Variants in CAMK2D observed in about 807,000 individuals in gnomAD.
CAMK2D encodes calcium/calmodulin dependent protein kinase II delta, also known as calcium/calmodulin-dependent protein kinase type II subunit delta.
A neutral mutation model predicts 84.0 loss-of-function variants in CAMK2D; 37 were observed. The ratio of observed to expected loss-of-function variants is 0.44; its 90% CI spans 0.34 to 0.58. CAMK2D has a LOEUF of 0.58. Among genes scored for constraint, CAMK2D ranks in the 20% least tolerant of loss-of-function variants. The pLI is 0.02. For synonymous variants in CAMK2D, 202 were observed against 212.5 expected (o/e 0.95, Z 0.43); for missense variants, 448 against 652.5 (o/e 0.69, Z 3.41).
At position 113,502,963 on chromosome 4, in the gene CAMK2D, A is replaced by G. The variant is rs748163137; in HGVS notation, c.1059T>C (p.Thr353=). 4.4e-6 allele frequency: 7 copies of G among 1,608,532 alleles called. No homozygotes were observed. In the Admixed American group the frequency reaches 1.2e-4, roughly 27 times the overall value. The change falls in exon 15 of 21, where the codon ACT becomes ACC. Residue 353 remains threonine (T), a synonymous_variant. Transcript: ENST00000511664. ...TGTTTCCATCAGGGTTGTGGATTAC[A>G]GTAGTTTGGGGCTCCTGAGTGAGAA... ...IPTPALEPQT[T]VIHNPDGNKE...
At chr4:113,473,251 T>C (rs1190595437) in intron 16 of CAMK2D, among the ~76,000 whole-genome samples, 1 of 152,206 alleles carries the variant, frequency 6.6e-6, no homozygotes, top group African/African-American at 2.4e-5. Flanking sequence ...ATTAACAAAA[T>C]TAACCCTTGG....
intron 7 of CAMK2D, among the ~76,000 whole-genome samples, chr4:113,534,049 C>G (rs566769726): frequency 1.3e-5 from 2 of 151,976 alleles, no homozygotes; most frequent in Admixed American, 6.6e-5. Context: ...TCTGGTATTC[C>G]ACATAATGAA....
intron 6 of CAMK2D, among the ~76,000 whole-genome samples, chr4:113,543,675 T>C (rs1404133315): frequency 2.6e-5 from 4 of 152,196 alleles, no homozygotes; most frequent in Non-Finnish European, 5.9e-5. Flanking sequence ...CATTCTTCTC[T>C]TTTTGTATTT....
chr4:113,730,214 G>C (rs567768376), intron 2 of CAMK2D, among the ~76,000 whole-genome samples: 1 of 152,090 alleles, frequency 6.6e-6, no homozygotes, highest in African/African-American at 2.4e-5. Context: ...TTTTCAGATG[G>C]CATTAACAGC....
intron 7 of CAMK2D, among the ~76,000 whole-genome samples, chr4:113,534,712 T>C (rs2098478322): frequency 6.6e-6 from 1 of 152,236 alleles, no homozygotes; most frequent in Non-Finnish European, 1.5e-5. Flanking sequence ...CAAGACAATT[T>C]TGAAAACTTA....
In CAMK2D at chr4:113,500,499, T is replaced by A; in HGVS notation, c.1099A>T (p.Ser367Cys). The change falls in exon 16 of 21, where the codon AGT (serine) becomes TGT (cysteine). Residue 367 changes from serine (S) to cysteine (C), a missense_variant. Physicochemically the swap from Ser to Cys is moderately radical, Grantham distance 112. Around this residue, in one of 7 missense-constraint regions of CAMK2D, gnomAD observed 219 missense variants for 272.1 expected, o/e 0.80. Transcript: ENST00000511664. Reference protein sequence around the residue: ...NPDGNKESTESSNTTIEDEDV... With the variant: ...NPDGNKESTECSNTTIEDEDV... ...TCATCCTCAATTGTTGTATTTGAAC[T>A]CTCAGTTGACTCCTGATGAGAAGAA... 1 of 1,601,066 alleles carries A rather than the reference T, an allele frequency of 6.2e-7. No homozygotes were observed. Among genetic ancestry groups the A allele is most frequent in the South Asian group, 1.1e-5 (1 of 90,248 alleles).
chr4:113,619,480 G>C (rs960700893), intron 3 of CAMK2D, among the ~76,000 whole-genome samples: 1 of 152,112 alleles, frequency 6.6e-6, no homozygotes, highest in African/African-American at 2.4e-5. Flanking sequence ...AAGGTCCCTC[G>C]CTCCACCCTC....
At chr4:113,569,960 G>A (rs10049861) in intron 4 of CAMK2D, among the ~76,000 whole-genome samples, 8,039 of 151,892 alleles carry the variant, frequency 0.053, 613 homozygotes, top group African/African-American at 0.17. Context: ...TACAAAATCA[G>A]CATACAAAAA....
At chr4:113,462,266 A>ATGTGTGTGTGTGTGTGTGTG (rs143654780) in intron 17 of CAMK2D, among the ~76,000 whole-genome samples, 7 of 109,934 alleles carry the variant, frequency 6.4e-5, no homozygotes, top group South Asian at 3.6e-4. Context: ...ATATTTGGAA[A>ATGTGTGTGTGTGTGTGTGTG]TGTGTGTGTG....
chr4:113,686,691 C>A (rs1437423273), intron 2 of CAMK2D, among the ~76,000 whole-genome samples: 1 of 152,094 alleles, frequency 6.6e-6, no homozygotes, highest in Non-Finnish European at 1.5e-5. Context: ...TCCTACAATG[C>A]TCTCAATATA....
chr4:113,652,644 T>G (rs2154303240), intron 3 of CAMK2D, among the ~76,000 whole-genome samples: 1 of 152,264 alleles, frequency 6.6e-6, no homozygotes, highest in South Asian at 2.1e-4. Flanking sequence ...GGGATTATTT[T>G]TCTTTCAAAT....
chr4:113,504,965 T>C lies in CAMK2D; in HGVS notation c.1044+11A>G, dbSNP rs767282533. 2.1e-5 allele frequency: 32 copies of C among 1,511,990 alleles called. 1 individual carries two copies. Among genetic ancestry groups the C allele is most frequent in the Non-Finnish European group, 2.7e-5 (31 of 1,129,476 alleles). The allele number at this position is 1,511,990 out of a possible 1,614,324, so 93.7% of individuals were successfully genotyped here. Reference sequence around the variant, plus strand: ...AGAACTTAAGAAGGGTTACAAAGAGTCCAGGTATACCAGCGCTGGGGTAGG... The same window carrying C: ...AGAACTTAAGAAGGGTTACAAAGAGCCCAGGTATACCAGCGCTGGGGTAGG... On this transcript the variant is annotated intron_variant, in intron 14 of 20. Transcript: ENST00000511664.
intron 20 of CAMK2D, 101 bp downstream of exon 20, chr4:113,455,625 A>G: frequency 1.6e-6 from 1 of 640,438 alleles, no homozygotes; most frequent in South Asian, 2.4e-5. Context: ...TTTTCATTGA[A>G]TATTATGCAA....
chr4:113,640,871 G>C (rs2099130041), intron 3 of CAMK2D, among the ~76,000 whole-genome samples: 1 of 152,190 alleles, frequency 6.6e-6, no homozygotes, highest in Non-Finnish European at 1.5e-5. Flanking sequence ...ATCATCCATA[G>C]ACAGACTCAT....
chr4:113,462,288 GTGTGTGTCTGTCTGTCTGTCTGTCTGTC>G (rs1407005326), intron 17 of CAMK2D, among the ~76,000 whole-genome samples: 4 of 84,190 alleles, frequency 4.8e-5, no homozygotes, highest in African/African-American at 1.8e-4. Context: ...GTGTGTGTGT[GTGTGTGTCTGTCTGTCTGTCTGTCTGTC>G]TGTCTGTCTG....
chr4:113,635,836 A>C (rs1051531579), intron 3 of CAMK2D, among the ~76,000 whole-genome samples: 3 of 152,222 alleles, frequency 2.0e-5, no homozygotes, highest in African/African-American at 7.2e-5. Context: ...CAATGTAGAA[A>C]GGATATGTTT....
intron 16 of CAMK2D, among the ~76,000 whole-genome samples, chr4:113,493,515 G>A (rs1164782025): frequency 2.0e-5 from 3 of 152,328 alleles, no homozygotes; most frequent in Non-Finnish European, 2.9e-5. Flanking sequence ...GAGATCAGCT[G>A]TTAGTCTGAT....
rs542971811 is a variant in CAMK2D at position 113,521,320 on chromosome 4, C to T, written c.602-3663G>A. Among the ~76,000 whole-genome samples the T allele has an allele frequency of 2.6e-5, 4 of 152,260 alleles. No individual in the cohort carries two copies. In the East Asian group the frequency reaches 7.7e-4, roughly 29 times the overall value. ...TATTTTTCTTATTGATTCTCAATTG[C>T]CCCATCTTTGGCTAGTGCCAGCCTC... On this transcript the variant is annotated intron_variant, in intron 8 of 20. Transcript: ENST00000511664.
At chr4:113,558,735 G>C (rs1349538420) in intron 4 of CAMK2D, among the ~76,000 whole-genome samples, 1 of 152,106 alleles carries the variant, frequency 6.6e-6, no homozygotes, top group African/African-American at 2.4e-5. Flanking sequence ...TGCCGGGTGT[G>C]GTGGCTCACG....
Sources: gnomAD v4.1 joint callset for allele counts (sites outside exome capture counted in the v4.1 genomes callset) on GRCh38, gnomAD v4.1.1 for gene constraint, gnomAD v4.1.1 regional missense constraint, MANE v1.5 for transcripts, NCBI Gene and HGNC (gene_info 2026-07-23, HGNC 2026-07-21) for gene names.